MAP9: variants seen among roughly 807,000 people sequenced by gnomAD.
The protein encoded by MAP9 is microtubule associated protein 9, also known as microtubule-associated protein 9.
In MAP9, 80 loss-of-function variants were observed where a neutral mutation model predicts 75.2. That is an observed-to-expected ratio of 1.06 (90% CI 0.89 to 1.28). The LOEUF is 1.28. MAP9 is among the 50% of genes most tolerant of loss of function. MAP9 has a pLI of 0.00. For missense variants in MAP9, 753 were observed against 719.9 expected, an observed-to-expected ratio of 1.05 and a Z score of -0.53; for synonymous variants, 235 against 237.3, an observed-to-expected ratio of 0.99 and a Z score of 0.09.
Position 155,373,143 on chromosome 4 carries a change from T to A in MAP9, c.474A>T (p.Thr158=). The A allele has an allele frequency of 6.5e-7, 1 of 1,544,658 alleles. No individual in the cohort carries two copies. The part of the protein sequence containing the change: ...PKPRILSIKS[T]SSAENNSLDT... ...GTAATCCTAACAAATTACCTGAAGATGTGCTTTTAATTGAAAGAATTCTGG... is the reference window on the plus strand; with the variant it reads ...GTAATCCTAACAAATTACCTGAAGAAGTGCTTTTAATTGAAAGAATTCTGG... The change falls in exon 4 of 14, where the codon ACA becomes ACT. Residue 158 remains threonine, a synonymous_variant. Coordinates refer to ENST00000311277, the MANE Select transcript of MAP9 (RefSeq NM_001039580.2).
chr4:155,358,707 T>C (rs1195112935), intron 7 of MAP9, among the ~76,000 whole-genome samples: 1 of 151,652 alleles, frequency 6.6e-6, no homozygotes, highest in Non-Finnish European at 1.5e-5. Context: ...ATAATAATGT[T>C]CCCCTCAACA....
rs1731314323 is a variant in MAP9 at position 155,347,130 on chromosome 4, A to G, written c.*653T>C. On this transcript the variant is annotated 3_prime_UTR_variant, in exon 14 of 14. Coordinates refer to ENST00000311277, the MANE Select transcript of MAP9 (RefSeq NM_001039580.2). The stretch of plus-strand genomic sequence containing the variant: ...TAGAATTCAGAAAGAAAAATTTCAG[A>G]GGTGGACTCATTATAAAGTACCTAT... 1 of 152,202 alleles carries G rather than the reference A, an allele frequency of 6.6e-6. No individual in the cohort carries two copies. The highest frequency in any genetic ancestry group is 1.5e-5 in the Non-Finnish European group (1 of 68,026). The allele number at this position is 152,202 out of a possible 1,614,324, so 9.4% of individuals were successfully genotyped here.
Position 155,347,664 on chromosome 4 carries a change from G to A in MAP9, c.*119C>T, listed in dbSNP as rs1731330505. On this transcript the variant is annotated 3_prime_UTR_variant, in exon 14 of 14. Transcript: ENST00000311277. ...CAAAGTATTTCTTTCATTGTCAGCA[G>A]GAGTGTCTGGCATTTAATTAAAATA... 2 of 963,366 alleles carry A rather than the reference G, an allele frequency of 2.1e-6. No homozygotes were observed. Among genetic ancestry groups the A allele is most frequent in the Non-Finnish European group, 1.5e-6 (1 of 678,002 alleles). The allele number at this position is 963,366 out of a possible 1,614,324, so 59.7% of individuals were successfully genotyped here. A position where few individuals can be genotyped will look rare whatever the true frequency, so the allele number is the denominator to read the frequency against.
At chr4:155,364,610 C>T (rs1000411807) in intron 5 of MAP9, among the ~76,000 whole-genome samples, 1 of 148,666 alleles carries the variant, frequency 6.7e-6, no homozygotes, top group Non-Finnish European at 1.5e-5. Flanking sequence ...TATATTTATT[C>T]TAGCCTTCTT....
chr4:155,375,513 T>C (rs746089479), intron 2 of MAP9, among the ~76,000 whole-genome samples: 15 of 151,920 alleles, frequency 9.9e-5, no homozygotes, highest in Non-Finnish European at 1.9e-4. Flanking sequence ...GAAAAAAAAG[T>C]TTTTATATAA....
intron 4 of MAP9, among the ~76,000 whole-genome samples, chr4:155,371,720 T>G (rs942126195): frequency 1.3e-5 from 2 of 151,848 alleles, no homozygotes; most frequent in South Asian, 2.1e-4. Flanking sequence ...CCACAGGTTT[T>G]TTTTTTTTTT....
At chr4:155,351,349 CATT>C (rs1220128185) in intron 13 of MAP9, 1 of 150,924 alleles carries the variant, frequency 6.6e-6, no homozygotes, top group Non-Finnish European at 1.5e-5. Flanking sequence ...AATGTTAAAA[CATT>C]AAGATATTAA....
intron 4 of MAP9, among the ~76,000 whole-genome samples, chr4:155,370,427 A>C (rs968285376): frequency 1.4e-4 from 21 of 152,318 alleles, no homozygotes; most frequent in African/African-American, 5.1e-4. Flanking sequence ...CCTTATCTAC[A>C]GCCATTTTGT....
intron 5 of MAP9, among the ~76,000 whole-genome samples, chr4:155,363,939 ATAACAATCT>A (rs982112118): frequency 6.6e-6 from 1 of 152,102 alleles, no homozygotes; most frequent in Non-Finnish European, 1.5e-5. Flanking sequence ...AGGGTGGGAA[ATAACAATCT>A]TCCCATTTCA....
In MAP9 at chr4:155,353,324, C is replaced by G; in HGVS notation, c.1397G>C (p.Arg466Thr). The stretch of plus-strand genomic sequence containing the variant: ...CTCAAATGATGCTAATGCTTCTTCT[C>G]TTTTAGCAGCTTTTTTCTACAGTGG... ...IQNEQKKAAK[R>T]EEALASFEAW... Residue 466 changes from arginine to threonine, a missense_variant, in exon 11 of 14, where the codon AGA (arginine) becomes ACA (threonine). Coordinates refer to ENST00000311277, the MANE Select transcript of MAP9 (RefSeq NM_001039580.2). 6.4e-7 allele frequency: 1 copy of G among 1,565,312 alleles called. No homozygotes were observed. Among genetic ancestry groups the G allele is most frequent in the Non-Finnish European group, 8.6e-7 (1 of 1,165,284 alleles).
intron 7 of MAP9, among the ~76,000 whole-genome samples, chr4:155,359,850 C>A (rs544523936): frequency 6.6e-6 from 1 of 151,912 alleles, no homozygotes; most frequent in Non-Finnish European, 1.5e-5. Flanking sequence ...TTATTCCAGA[C>A]AGTTATATTT....
intron 1 of MAP9, 140 bp downstream of exon 1, chr4:155,376,631 C>G (rs1240413054): frequency 6.5e-6 from 1 of 152,692 alleles, no homozygotes; most frequent in Non-Finnish European, 1.5e-5. Context: ...ACGCCAGGCC[C>G]GTGCACGTCC....
In MAP9 at chr4:155,375,060, G is replaced by C. The variant is rs758779743; in HGVS notation, c.76-39C>G. ...CTGAAATCAATTTCCATCCAAACATGGAGGTATCATATTCACAAGTAATTC... is the reference window on the plus strand; with the variant it reads ...CTGAAATCAATTTCCATCCAAACATCGAGGTATCATATTCACAAGTAATTC... On this transcript the variant is annotated intron_variant, in intron 2 of 13. Coordinates refer to ENST00000311277, the MANE Select transcript of MAP9 (RefSeq NM_001039580.2). 1.4e-5 allele frequency: 20 copies of C among 1,403,818 alleles called. No individual in the cohort carries two copies. In the Admixed American group the frequency reaches 3.7e-4, roughly 26 times the overall value. The allele number at this position is 1,403,818 out of a possible 1,614,324, so 87.0% of individuals were successfully genotyped here.
chr4:155,372,945 A>T (rs865812440), intron 4 of MAP9, 191 bp downstream of exon 4: 1 of 443,764 alleles, frequency 2.3e-6, no homozygotes, highest in African/African-American at 2.0e-5. Flanking sequence ...CAGGTCTGTA[A>T]AATTGAAGTT....
At chr4:155,353,464 A>T in intron 10 of MAP9, 124 bp from the exon 11 acceptor site, 7 of 803,292 alleles carry the variant, frequency 8.7e-6, no homozygotes, top group Non-Finnish European at 1.2e-5. Flanking sequence ...CATTATACTT[A>T]GAAATTAACT....
intron 13 of MAP9, among the ~76,000 whole-genome samples, chr4:155,348,900 T>A (rs1203353873): frequency 6.6e-6 from 1 of 152,158 alleles, no homozygotes; most frequent in Non-Finnish European, 1.5e-5. Context: ...ACTTTTTATG[T>A]GTCATTTGCA....
chr4:155,366,886 T>A (rs571507777), intron 5 of MAP9, among the ~76,000 whole-genome samples: 1 of 152,154 alleles, frequency 6.6e-6, no homozygotes, highest in Non-Finnish European at 1.5e-5. Flanking sequence ...AAAATAATGA[T>A]ACCAAACTTT....
chr4:155,375,678 T>C (rs1732807301), intron 2 of MAP9, 98 bp downstream of exon 2: 1 of 661,678 alleles, frequency 1.5e-6, no homozygotes, highest in Non-Finnish European at 2.5e-6. Context: ...ATATAAGATT[T>C]ACCCCTGCTT....
intron 6 of MAP9, 117 bp downstream of exon 6, chr4:155,361,931 C>CA: frequency 1.5e-6 from 1 of 669,808 alleles, no homozygotes; most frequent in Non-Finnish European, 2.5e-6. Flanking sequence ...GATTAAAACT[C>CA]AAACACATAA....
Sources: gnomAD v4.1 joint callset for allele counts (sites outside exome capture counted in the v4.1 genomes callset) on GRCh38, gnomAD v4.1.1 for gene constraint, MANE v1.5 for transcripts, NCBI Gene and HGNC (gene_info 2026-07-23, HGNC 2026-07-21) for gene names.